DMD: variants seen among roughly 807,000 people sequenced by gnomAD.
The protein encoded by DMD is mutant dystrophin.
DMD carries 63 observed loss-of-function variants against 330.1 expected under a neutral mutation model. The ratio of observed to expected loss-of-function variants is 0.19; its 90% CI spans 0.16 to 0.24. The LOEUF (loss-of-function observed/expected upper bound fraction) is 0.24. Among genes scored for constraint, DMD ranks in the 10% least tolerant of loss-of-function variants. The pLI, the probability that DMD is intolerant of heterozygous loss-of-function variation, is 1.00. For missense variants in DMD, 3,344 were observed against 2,684.1 expected (o/e 1.25, Z -5.43); for synonymous variants, 1,223 against 959.8 (o/e 1.27, Z -5.07).
intron 60 of DMD, among the ~76,000 whole-genome samples, chrX:31,369,471 G>T (rs1465719371): frequency 8.9e-6 from 1 of 112,195 alleles, no homozygotes; most frequent in African/African-American, 3.2e-5. Flanking sequence ...ACAGAATTTG[G>T]CAATGCATCA....
intron 55 of DMD, among the ~76,000 whole-genome samples, chrX:31,567,241 C>T (rs1310149520): frequency 4.5e-5 from 5 of 111,237 alleles, no homozygotes; most frequent in Admixed American, 9.6e-5. Flanking sequence ...TCTGGAACTT[C>T]CAGAACTATG....
chrX:33,149,045 TG>T (rs748644504), intron 1 of DMD, among the ~76,000 whole-genome samples: 1 of 109,929 alleles, frequency 9.1e-6, no homozygotes, highest in Non-Finnish European at 1.9e-5. Flanking sequence ...CTGGGGTTAG[TG>T]GGGGGGAGGT....
chrX:32,945,662 T>A (rs1482224238), intron 2 of DMD, among the ~76,000 whole-genome samples: 1 of 111,851 alleles, frequency 8.9e-6, no homozygotes, highest in Non-Finnish European at 1.9e-5. Context: ...ACAATATTTT[T>A]CATGCTTATA....
At chrX:32,875,796 C>T (rs1483901841) in intron 2 of DMD, among the ~76,000 whole-genome samples, 3 of 112,047 alleles carry the variant, frequency 2.7e-5, no homozygotes, top group African/African-American at 9.7e-5. Context: ...AGACACTTTA[C>T]AGTTTCCTGT....
chrX:33,155,662 G>C (rs980658469), intron 1 of DMD, among the ~76,000 whole-genome samples: 2 of 110,809 alleles, frequency 1.8e-5, no homozygotes, highest in Admixed American at 1.9e-4. Context: ...GGGCCTTAAA[G>C]AAATGCAGCC....
intron 76 of DMD, among the ~76,000 whole-genome samples, chrX:31,145,095 G>T (rs1013187202): frequency 6.3e-5 from 7 of 111,803 alleles, no homozygotes; most frequent in African/African-American, 2.3e-4. Context: ...TTCTTACTTG[G>T]TAATGTTTCA....
chrX:31,886,020 A>C (rs1341241370), intron 47 of DMD, among the ~76,000 whole-genome samples: 1 of 110,917 alleles, frequency 9.0e-6, no homozygotes, highest in African/African-American at 3.3e-5. Flanking sequence ...ATTTTATAAT[A>C]GAAGCATAGA....
intron 63 of DMD, among the ~76,000 whole-genome samples, chrX:31,233,022 T>G (rs2047368079): frequency 8.9e-6 from 1 of 112,019 alleles, no homozygotes; most frequent in South Asian, 3.7e-4. Flanking sequence ...CATTAAATTG[T>G]TCCTCAATTA....
intron 61 of DMD, among the ~76,000 whole-genome samples, chrX:31,328,216 T>C (rs2056899492): frequency 8.9e-6 from 1 of 112,120 alleles, no homozygotes; most frequent in South Asian, 3.7e-4. Flanking sequence ...TTGCACATAT[T>C]TTAGTTACTT....
intron 44 of DMD, among the ~76,000 whole-genome samples, chrX:31,986,293 A>G (rs1037328775): frequency 1.8e-5 from 2 of 112,239 alleles, no homozygotes; most frequent in African/African-American, 6.5e-5. Flanking sequence ...AAAAGATGAT[A>G]AAATTTTTTT....
At chrX:33,171,866 T>G (rs2148703690) in intron 1 of DMD, among the ~76,000 whole-genome samples, 1 of 111,050 alleles carries the variant, frequency 9.0e-6, no homozygotes, top group African/African-American at 3.3e-5. Context: ...CTGTGCTTTG[T>G]ACCCTTTGAG....
At chrX:32,930,964 T>C (rs1164130832) in intron 2 of DMD, among the ~76,000 whole-genome samples, 1 of 108,163 alleles carries the variant, frequency 9.2e-6, no homozygotes, top group African/African-American at 3.3e-5. Context: ...TATTATATGA[T>C]TCATATATTA....
intron 62 of DMD, among the ~76,000 whole-genome samples, chrX:31,314,798 A>AT (rs772151690): frequency 3.4e-3 from 161 of 46,982 alleles, no homozygotes; most frequent in Middle Eastern, 0.014. Context: ...CCGTGTTAAC[A>AT]TTTTTCCTGA....
At chrX:31,541,095 T>C (rs977139773) in intron 55 of DMD, among the ~76,000 whole-genome samples, 8 of 111,861 alleles carry the variant, frequency 7.2e-5, no homozygotes, top group African/African-American at 2.3e-4. Context: ...GCTGTGCTGC[T>C]CTGTCTAACA....
At chrX:33,223,035 C>T (rs182472012) in intron 1 of DMD, among the ~76,000 whole-genome samples, 5 of 111,941 alleles carry the variant, frequency 4.5e-5, no homozygotes, top group East Asian at 2.8e-4. Context: ...AAGGGCTGGG[C>T]GTGGTGGCTC....
At chrX:31,625,471 A>G (rs778864769) in intron 55 of DMD, among the ~76,000 whole-genome samples, 4 of 111,959 alleles carry the variant, frequency 3.6e-5, no homozygotes, top group Non-Finnish European at 5.6e-5. Flanking sequence ...CCTGATCGAC[A>G]CTGGACTTTA....
chrX:33,107,050 G>C (rs989848033), intron 1 of DMD, among the ~76,000 whole-genome samples: 1 of 111,683 alleles, frequency 9.0e-6, no homozygotes, highest in African/African-American at 3.3e-5. Context: ...GTGACTCAAC[G>C]CCTGTAATCC....
At chrX:31,183,621 T>C (rs2148342767) in intron 67 of DMD, among the ~76,000 whole-genome samples, 1 of 111,982 alleles carries the variant, frequency 8.9e-6, no homozygotes, top group East Asian at 2.8e-4. Flanking sequence ...ATTTGATTTA[T>C]ATGTTACTAT....
rs2076466453 is a variant in DMD, at chrX:31,584,013, G to GT, written c.8217+43659dup. Among the ~76,000 whole-genome samples the GT allele has an allele frequency of 3.9e-5, 4 of 102,892 alleles. No homozygotes were observed. In the South Asian group the frequency reaches 1.9e-3, roughly 49 times the overall value. 89.3% of individuals were successfully genotyped at this position (102,892 alleles called of 115,157 possible). Reference sequence around the variant, plus strand: ...TGTGAGTGAGAACATGTGGTGTTTGGTTTTTTGTCCTTGCCATAGTTTGCT... The same window carrying GT: ...TGTGAGTGAGAACATGTGGTGTTTGGTTTTTTTGTCCTTGCCATAGTTTGCT... On this transcript the variant is annotated intron_variant, in intron 55 of 78. Coordinates refer to ENST00000357033, the MANE Select transcript of DMD (RefSeq NM_004006.3).
Sources: allele counts gnomAD v4.1 joint callset (sites outside exome capture counted in the v4.1 genomes callset), GRCh38; gene constraint gnomAD v4.1.1; transcripts MANE v1.5; gene names NCBI Gene and HGNC (gene_info 2026-07-23, HGNC 2026-07-21).